The following SDK2 variants were observed in gnomAD, a reference collection of about 807,000 sequenced individuals.
The protein encoded by SDK2 is sidekick cell adhesion molecule 2.
A neutral mutation model predicts 253.9 loss-of-function variants in SDK2; 105 were observed. The ratio of observed to expected loss-of-function variants is 0.41; its 90% CI spans 0.35 to 0.49. SDK2 has a LOEUF of 0.49. Among genes scored for constraint, SDK2 ranks in the 20% least tolerant of loss-of-function variants. The pLI is 0.06. For missense variants in SDK2, 2,608 were observed against 3,003.0 expected (o/e 0.87, Z 3.07); for synonymous variants, 1,249 against 1,234.9 (o/e 1.01, Z -0.24).
intron 44 of SDK2, among the ~76,000 whole-genome samples, chr17:73,340,734 GTTTTTTTTTTTTTT>G (rs10638504): frequency 1.3e-5 from 1 of 77,550 alleles, no homozygotes; most frequent in East Asian, 4.8e-4. Flanking sequence ...AAACCTTAAA[GTTTTTTTTTTTTTT>G]TTTTTTTTTT....
intron 1 of SDK2, among the ~76,000 whole-genome samples, chr17:73,592,107 C>T (rs2045690594): frequency 1.3e-5 from 2 of 152,314 alleles, no homozygotes; most frequent in African/African-American, 2.4e-5. Context: ...CTGTCAATAA[C>T]GATGAATGCA....
At chr17:73,500,197 ATCCATCCTCCC>A (rs1163075925) in intron 2 of SDK2, among the ~76,000 whole-genome samples, 5 of 98,734 alleles carry the variant, frequency 5.1e-5, no homozygotes, top group Non-Finnish European at 9.9e-5. Context: ...TCCATCCTCC[ATCCATCCTCCC>A]TCCATCTCCT....
intron 3 of SDK2, among the ~76,000 whole-genome samples, chr17:73,464,600 C>T (rs1209304768): frequency 2.6e-5 from 4 of 152,218 alleles, no homozygotes. Context: ...CCACTTTCTG[C>T]TTCCCCACTC....
intron 12 of SDK2, among the ~76,000 whole-genome samples, chr17:73,429,384 T>C (rs1441692248): frequency 6.6e-6 from 1 of 152,256 alleles, no homozygotes; most frequent in Non-Finnish European, 1.5e-5. Flanking sequence ...GCTAGCGTCA[T>C]GTGATGACTG....
At chr17:73,540,328 G>A (rs1315439377) in intron 1 of SDK2, among the ~76,000 whole-genome samples, 5 of 152,176 alleles carry the variant, frequency 3.3e-5, no homozygotes, top group Non-Finnish European at 7.3e-5. Context: ...CAAATCCCAG[G>A]AGTGAATTCC....
intron 6 of SDK2, 90 bp downstream of exon 6, chr17:73,440,722 G>A (rs746887551): frequency 3.6e-5 from 32 of 898,764 alleles, no homozygotes; most frequent in African/African-American, 2.8e-4. Context: ...CTCAGGTGAT[G>A]TGGCTTCTGG....
intron 1 of SDK2, among the ~76,000 whole-genome samples, chr17:73,543,829 G>A (rs555706258): frequency 5.3e-5 from 8 of 152,318 alleles, no homozygotes; most frequent in African/African-American, 9.6e-5. Context: ...GGGTGATGCC[G>A]CTCTACAAGT....
intron 1 of SDK2, among the ~76,000 whole-genome samples, chr17:73,577,727 C>G (rs2045476479): frequency 6.6e-6 from 1 of 152,296 alleles, no homozygotes; most frequent in African/African-American, 2.4e-5. Context: ...TCTTATGCCC[C>G]AGTTTCCTCA....
intron 36 of SDK2, among the ~76,000 whole-genome samples, chr17:73,373,292 C>G (rs966250085): frequency 2.6e-5 from 4 of 152,210 alleles, no homozygotes; most frequent in Non-Finnish European, 5.9e-5. Context: ...ATTTCCACAT[C>G]TTGGCTACTG....
rs1398175793 is a variant in SDK2 at position 73,383,476 on chromosome 17, C to T, written c.4705+400G>A. 1.3e-5 allele frequency among the ~76,000 whole-genome samples: 2 copies of T among 152,228 alleles called. No homozygotes were observed. The highest frequency in any genetic ancestry group is 2.9e-5 in the Non-Finnish European group (2 of 68,036). On this transcript the variant is annotated intron_variant, in intron 33 of 44. Coordinates refer to ENST00000392650, the MANE Select transcript of SDK2 (RefSeq NM_001144952.2). This position sits in a 1 kb window ranked among gnomAD's most constrained non-coding sequence, Gnocchi z 4.3. ...AGGGTGCTCCTTCTCATGCACCGGG[C>T]TGTCCCCGTCCCTTTGTCCTGGTTA...
At chr17:73,588,387 C>CAA (rs1215654213) in intron 1 of SDK2, among the ~76,000 whole-genome samples, 1,536 of 57,834 alleles carry the variant, frequency 0.027, 66 homozygotes, top group African/African-American at 0.093. Context: ...AACTCCATCT[C>CAA]AAAAAAAAAA....
Position 73,609,566 on chromosome 17 carries a change from T to C in SDK2, c.64+34459A>G, listed in dbSNP as rs2045948923. 6.6e-6 allele frequency among the ~76,000 whole-genome samples: 1 copy of C among 152,166 alleles called. No homozygotes were observed. Among genetic ancestry groups the C allele is most frequent in the African/African-American group, 2.4e-5 (1 of 41,432 alleles). On this transcript the variant is annotated intron_variant, in intron 1 of 44. Transcript: ENST00000392650. This position sits in a 1 kb window ranked among gnomAD's most constrained non-coding sequence, Gnocchi z 4.4. ...TTTTGCTGCAAAGGGAGCAAAGACA[T>C]GCAGTGGAAGCTGACAGGGAAAACG...
intron 38 of SDK2, among the ~76,000 whole-genome samples, chr17:73,363,898 C>A (rs899598621): frequency 4.6e-5 from 7 of 152,032 alleles, no homozygotes; most frequent in Non-Finnish European, 7.4e-5. Context: ...TGGCTCCCCC[C>A]TGGTGTTCTA....
At chr17:73,611,356 G>A (rs1453460964) in intron 1 of SDK2, among the ~76,000 whole-genome samples, 2 of 152,228 alleles carry the variant, frequency 1.3e-5, no homozygotes, top group African/African-American at 2.4e-5. Flanking sequence ...CTCTGGCAGG[G>A]TCAGGGACTG....
At chr17:73,384,076 C>A in intron 32 of SDK2, 65 bp from the exon 33 acceptor site, 5 of 1,530,622 alleles carry the variant, frequency 3.3e-6, no homozygotes, top group East Asian at 2.4e-5. Context: ...CCCACGCTCT[C>A]TCATCATGCC....
Position 73,393,690 on chromosome 17 carries a change from G to A in SDK2, c.3768C>T (p.Asn1256=). ...TQPRFWLVEG[N]SSRSAQLTGL... ...CGGTGAGCTGGGCACTGCGAGACGAGTTGCCTTCCACCAGCCAGAATCGGG... is the reference window on the plus strand; with the variant it reads ...CGGTGAGCTGGGCACTGCGAGACGAATTGCCTTCCACCAGCCAGAATCGGG... The change falls in exon 27 of 45, where the codon AAC becomes AAT. Residue 1256 remains asparagine, a synonymous_variant. Transcript: ENST00000392650. The A allele has an allele frequency of 6.3e-7, 1 of 1,595,616 alleles. No individual in the cohort carries two copies. Among genetic ancestry groups the A allele is most frequent in the Non-Finnish European group, 8.6e-7 (1 of 1,166,152 alleles).
chr17:73,473,008 C>T (rs919080713), intron 2 of SDK2, among the ~76,000 whole-genome samples: 1 of 152,168 alleles, frequency 6.6e-6, no homozygotes, highest in Admixed American at 6.5e-5. Context: ...CGTAAATTGC[C>T]CAGTCTCAGG....
In SDK2 at chr17:73,472,231, C is replaced by T. The variant is rs1024046872; in HGVS notation, c.225-13G>A. 25 of 1,545,462 alleles carry T rather than the reference C, an allele frequency of 1.6e-5. No individual in the cohort carries two copies. The highest frequency in any genetic ancestry group is 1.1e-4 in the African/African-American group (8 of 72,928). The stretch of plus-strand genomic sequence containing the variant: ...GGTGATCATGTATCTATGGGACAGA[C>T]GAGACAGCCAGTGAGCAAGTCAGGC... On this transcript the variant is annotated splice_polypyrimidine_tract_variant and intron_variant, in intron 2 of 44. Coordinates refer to ENST00000392650, the MANE Select transcript of SDK2 (RefSeq NM_001144952.2).
chr17:73,397,892 C>A, intron 24 of SDK2, 143 bp downstream of exon 24: 2 of 955,554 alleles, frequency 2.1e-6, no homozygotes, highest in Admixed American at 5.0e-5. Context: ...GTTCGTTGGG[C>A]TAAGATGTTG....
Sources: allele counts gnomAD v4.1 joint callset (sites outside exome capture counted in the v4.1 genomes callset), GRCh38; gene constraint gnomAD v4.1.1; non-coding constraint Gnocchi (gnomAD v3.1); transcripts MANE v1.5; gene names NCBI Gene and HGNC (gene_info 2026-07-23, HGNC 2026-07-21).